The following ACIN1 variants were observed in gnomAD, a reference collection of about 807,000 sequenced individuals.
ACIN1 encodes the protein apoptotic chromatin condensation inducer 1, also known as apoptotic chromatin condensation inducer in the nucleus.
In ACIN1, 16 loss-of-function variants were observed where a neutral mutation model predicts 146.6. The observed-to-expected ratio is 0.11, with a 90% CI of 0.07 to 0.17. The LOEUF (loss-of-function observed/expected upper bound fraction) is 0.17. ACIN1 is among the 10% of genes least tolerant of loss of function. ACIN1 has a pLI of 1.00. For synonymous variants in ACIN1, 569 were observed against 582.7 expected (o/e 0.98, Z 0.34); for missense variants, 1,357 against 1,609.3 (o/e 0.84, Z 2.68).
upstream of ACIN1, chr14:23,095,459 C>G (rs2048354177): frequency 1.1e-6 from 1 of 932,210 alleles, no homozygotes; most frequent in South Asian, 1.9e-5. Flanking sequence ...AGAGATGAGG[C>G]GCTGGGGCGC....
In ACIN1 at chr14:23,061,545, C is replaced by G. The variant is rs2139995761; in HGVS notation, c.3177G>C (p.Leu1059=). The change falls in exon 17 of 19, where the codon CTG becomes CTC. Residue 1059 remains leucine, a synonymous_variant. Coordinates refer to ENST00000605057, the MANE Select transcript of ACIN1 (RefSeq NM_001386863.1). ...KTEEQGIPRP[L]HPPPPPPVQP... is the part of the protein sequence containing the mutation. Reference sequence around the variant, plus strand: ...GGACCGGGGGTGGGGGTGGGGGGTGCAGGGGCCGTGGTATTCCCTGCTCCT... The same window carrying G: ...GGACCGGGGGTGGGGGTGGGGGGTGGAGGGGCCGTGGTATTCCCTGCTCCT... The G allele has an allele frequency of 6.3e-7, 1 of 1,584,446 alleles. No individual in the cohort carries two copies. The highest frequency in any genetic ancestry group is 8.6e-7 in the Non-Finnish European group (1 of 1,166,428).
intron 8 of ACIN1, chr14:23,071,426 C>T (rs1387444708): frequency 3.9e-6 from 6 of 1,551,642 alleles, no homozygotes; most frequent in East Asian, 2.4e-5. Context: ...TAAGTCCTCA[C>T]GGCAAACCCC....
Position 23,059,372 on chromosome 14 carries a change from C to G in ACIN1, c.3628G>C (p.Glu1210Gln), listed in dbSNP as rs767123817. 6.2e-7 allele frequency: 1 copy of G among 1,613,574 alleles called. No individual in the cohort carries two copies. The highest frequency in any genetic ancestry group is 8.5e-7 in the Non-Finnish European group (1 of 1,179,592). ...TCCAGCTGTCGGTTCCGTTCCCGCT[C>G]GGCTTCCTTCTCCCGCTCCTTTTGC... ...EEQKEREKEA[E>Q]RERNRQLERE... Residue 1210 changes from glutamate to glutamine, a missense_variant, in exon 19 of 19, where the codon GAG (glutamate) becomes CAG (glutamine). Coordinates refer to ENST00000605057, the MANE Select transcript of ACIN1 (RefSeq NM_001386863.1).
intron 2 of ACIN1, 39 bp downstream of exon 2, chr14:23,093,440 C>T (rs1250692815): frequency 6.3e-6 from 10 of 1,577,562 alleles, no homozygotes; most frequent in Non-Finnish European, 8.7e-6. Context: ...GTCTGGATAT[C>T]CAAAGGGCCC....
intron 4 of ACIN1, 51 bp from the exon 5 acceptor site, chr14:23,081,887 A>G (rs1032622070): frequency 2.1e-6 from 3 of 1,457,234 alleles, no homozygotes; most frequent in Non-Finnish European, 2.8e-6. Flanking sequence ...AGACTCATTC[A>G]TGGCTTTTTA....
intron 8 of ACIN1, chr14:23,077,653 T>G (rs963818202): frequency 4.6e-5 from 7 of 152,720 alleles, no homozygotes; most frequent in African/African-American, 1.4e-4. Context: ...TAATTTGCTG[T>G]ACTGTATGCT....
At chr14:23,072,845 T>C (rs1341483196) in intron 8 of ACIN1, among the ~76,000 whole-genome samples, 1 of 152,200 alleles carries the variant, frequency 6.6e-6, no homozygotes, top group Non-Finnish European at 1.5e-5. Context: ...GTGAAGACTC[T>C]GGAGTCAGAC....
At chr14:23,089,896 G>C (rs2048183486) in intron 4 of ACIN1, 86 bp downstream of exon 4, 3 of 1,389,170 alleles carry the variant, frequency 2.2e-6, no homozygotes, top group East Asian at 2.5e-5. Flanking sequence ...TTTCATGGAG[G>C]CTTAGCATGA....
In ACIN1 at chr14:23,081,752, C is replaced by G; in HGVS notation, c.521G>C (p.Arg174Thr). 6.2e-7 allele frequency: 1 copy of G among 1,611,976 alleles called. No individual in the cohort carries two copies. ...TTTAGGAGGTATCTGAGTTACCTGT[C>G]TGACCCTAGATGATCGTCTTTCTCC... is the stretch of plus-strand genomic sequence containing the variant. ...RKGERRSSRV[R>T]QARAAKLSEG... is the part of the protein sequence containing the mutation. Residue 174 changes from arginine (R) to threonine (T), a missense_variant, in exon 5 of 19, where the codon AGA (arginine) becomes ACA (threonine). Physicochemically the swap from Arg to Thr is moderately conservative, Grantham distance 71 (BLOSUM62 -1). Around this residue, in one of 4 missense-constraint regions of ACIN1, gnomAD observed 771 missense variants for 746.6 expected, o/e 1.03. Transcript: ENST00000605057.
At position 23,061,530 on chromosome 14, in the gene ACIN1, T is replaced by TG; in HGVS notation, c.3191dup (p.Pro1065ThrfsTer42). ...GGTGCTGTGGTGGCTGGACCGGGGG[T>TG]GGGGGTGGGGGGTGCAGGGGCCGTG... On this transcript the variant is annotated frameshift_variant, in exon 17 of 19. Transcript: ENST00000605057. LOFTEE classifies it high-confidence loss of function. 5 of 210,796 alleles carry TG rather than the reference T, an allele frequency of 2.4e-5. No homozygotes were observed. Among genetic ancestry groups the TG allele is most frequent in the East Asian group, 1.3e-4 (1 of 7,716 alleles). The allele number at this position is 210,796 out of a possible 1,614,324, so 13.1% of individuals were successfully genotyped here.
intron 4 of ACIN1, among the ~76,000 whole-genome samples, chr14:23,089,592 A>G (rs1297886703): frequency 1.3e-5 from 2 of 152,204 alleles, no homozygotes; most frequent in East Asian, 3.8e-4. Context: ...CTGGTATACA[A>G]CAAGTACACA....
At chr14:23,069,429 A>C in intron 9 of ACIN1, 47 bp downstream of exon 9, 2 of 1,595,018 alleles carry the variant, frequency 1.3e-6, no homozygotes, top group Non-Finnish European at 1.7e-6. Flanking sequence ...TCTTTCCCCT[A>C]GGTCCATTCC....
intron 8 of ACIN1, 88 bp downstream of exon 8, chr14:23,078,063 G>T: frequency 8.6e-7 from 1 of 1,164,602 alleles, no homozygotes; most frequent in Non-Finnish European, 1.3e-6. Context: ...AGGAAACTAG[G>T]ACTGCTTAGT....
intron 3 of ACIN1, 24 bp from the exon 4 acceptor site, chr14:23,090,125 G>C (rs779151740): frequency 6.2e-7 from 1 of 1,608,096 alleles, no homozygotes; most frequent in Non-Finnish European, 8.5e-7. Flanking sequence ...ATCGGGTCGG[G>C]GCAGGGAGGG....
chr14:23,094,616 C>G (rs537460187), intron 1 of ACIN1: 1,248 of 1,027,626 alleles, frequency 1.2e-3, no homozygotes, highest in Middle Eastern at 3.7e-3. Flanking sequence ...CAACTCGCCC[C>G]CCTCAGGCCA....
chr14:23,083,270 T>C (rs1268552124), intron 4 of ACIN1, among the ~76,000 whole-genome samples: 1 of 151,868 alleles, frequency 6.6e-6, no homozygotes, highest in Non-Finnish European at 1.5e-5. Context: ...AGTGGCATGA[T>C]CATGGCTCAC....
At chr14:23,073,391 A>T (rs879327130) in intron 8 of ACIN1, among the ~76,000 whole-genome samples, 40 of 152,160 alleles carry the variant, frequency 2.6e-4, no homozygotes, top group Non-Finnish European at 3.4e-4. Flanking sequence ...TGAAAAAAAA[A>T]TTTTTTGGCT....
chr14:23,087,310 A>C (rs1404730055), intron 4 of ACIN1, among the ~76,000 whole-genome samples: 1 of 152,218 alleles, frequency 6.6e-6, no homozygotes, highest in African/African-American at 2.4e-5. Context: ...AACATCTATA[A>C]TGGGATTCTT....
chr14:23,071,491 T>C, intron 8 of ACIN1: 1 of 1,551,678 alleles, frequency 6.4e-7, no homozygotes, highest in African/African-American at 1.4e-5. Context: ...AGGCTGCTGG[T>C]AGTGGCTGGC....
Sources: allele counts gnomAD v4.1 joint callset (sites outside exome capture counted in the v4.1 genomes callset), GRCh38; gene constraint gnomAD v4.1.1; regional missense constraint gnomAD v4.1.1; transcripts MANE v1.5; gene names NCBI Gene and HGNC (gene_info 2026-07-23, HGNC 2026-07-21).